Variants in PLCG2 observed in about 807,000 individuals in gnomAD.
The protein encoded by PLCG2 is phospholipase C gamma 2, also known as 1-phosphatidylinositol 4,5-bisphosphate phosphodiesterase gamma-2.
PLCG2 carries 69 observed loss-of-function variants against 175.6 expected under a neutral mutation model. That is an observed-to-expected ratio of 0.39 (90% CI 0.32 to 0.48). The LOEUF (loss-of-function observed/expected upper bound fraction) is 0.48, where lower values mean the gene tolerates loss of function less well. Among genes scored for constraint, PLCG2 ranks in the 20% least tolerant of loss-of-function variants. The probability of loss-of-function intolerance (pLI) is 0.91; values close to 1 mark genes in which losing one functional copy is unlikely to be tolerated. For missense variants in PLCG2, 1,798 were observed against 1,650.9 expected, an observed-to-expected ratio of 1.09 and a Z score of -1.54; for synonymous variants, 827 against 624.0, an observed-to-expected ratio of 1.33 and a Z score of -4.85.
rs372056789 is a variant in PLCG2 at position 81,907,637 on chromosome 16, G to T, written c.1468-48G>T. On this transcript the variant is annotated intron_variant, in intron 15 of 32. Transcript: ENST00000564138. ...TGCAGGGCTCCTGGGCTCCACAGTT[G>T]ATGAGGTAGAGGACTTGGGGGGCAC... The T allele has an allele frequency of 7.6e-5, 105 of 1,374,820 alleles. No individual in the cohort carries two copies. In the Middle Eastern group the frequency reaches 8.9e-4, roughly 12 times the overall value. 85.2% of individuals were successfully genotyped at this position (1,374,820 alleles called of 1,614,324 possible). A position where few individuals can be genotyped will look rare whatever the true frequency, so the allele number is the denominator to read the frequency against.
Position 81,910,545 on chromosome 16 carries a change from C to T in PLCG2, c.1759C>T (p.Arg587Trp), listed in dbSNP as rs1049453423. The T allele has an allele frequency of 3.1e-6, 5 of 1,614,084 alleles. No individual in the cohort carries two copies. The highest frequency in any genetic ancestry group is 4.2e-6 in the Non-Finnish European group (5 of 1,179,970). ...FWRSGRVQHC[R>W]IRSTMEGGTL... ...GCGGTCAGGCCGGGTCCAGCACTGC[C>T]GGATCCGCTCCACCATGGAGGGCGG... is the stretch of plus-strand genomic sequence containing the variant. Residue 587 changes from arginine (R) to tryptophan (W), a missense_variant, in exon 18 of 33, where the codon CGG (arginine) becomes TGG (tryptophan). Physicochemically the swap from Arg to Trp is moderately radical, Grantham distance 101. Coordinates refer to ENST00000564138, the MANE Select transcript of PLCG2 (RefSeq NM_002661.5).
rs762957732 is a variant in PLCG2, at chr16:81,908,400, T to A, written c.1558-16T>A. 30 of 1,610,746 alleles carry A rather than the reference T, an allele frequency of 1.9e-5. No individual in the cohort carries two copies. Among genetic ancestry groups the A allele is most frequent in the Non-Finnish European group, 2.5e-5 (29 of 1,178,016 alleles). ...GTCCAAGGCTTTCAGAAACCCCTCC[T>A]CTCTTTGCGGCCCAGGATATACCCC... On this transcript the variant is annotated splice_polypyrimidine_tract_variant and intron_variant, in intron 16 of 32. Coordinates refer to ENST00000564138, the MANE Select transcript of PLCG2 (RefSeq NM_002661.5).
intron 30 of PLCG2, among the ~76,000 whole-genome samples, chr16:81,941,561 TG>T (rs1420246388): frequency 2.1e-5 from 3 of 142,432 alleles, no homozygotes; most frequent in African/African-American, 8.6e-5. Flanking sequence ...TTAAAGTTTC[TG>T]ATTTTTTTTT....
chr16:81,799,394 T>C (rs1476924318), intron 2 of PLCG2, among the ~76,000 whole-genome samples: 1 of 152,208 alleles, frequency 6.6e-6, no homozygotes, highest in Admixed American at 6.5e-5. Flanking sequence ...TGTGACCATG[T>C]TAGTATTATT....
rs188674439 is a variant in PLCG2, at chr16:81,830,820, G to A, written c.194-23624G>A. Among the ~76,000 whole-genome samples, 3 of 152,046 alleles carry A rather than the reference G, an allele frequency of 2.0e-5. No individual in the cohort carries two copies. The East Asian group carries it at 5.8e-4, about 29-fold the overall frequency. ...GTGGAGGGGGATGGGAAGGGTGAGG[G>A]GGGCATCGGGCTTCTGGATGACTGA... On this transcript the variant is annotated intron_variant, in intron 2 of 32. Coordinates refer to ENST00000564138, the MANE Select transcript of PLCG2 (RefSeq NM_002661.5).
At chr16:81,887,048 C>G (rs1248577989) in intron 9 of PLCG2, among the ~76,000 whole-genome samples, 2 of 151,698 alleles carry the variant, frequency 1.3e-5, no homozygotes, top group African/African-American at 2.4e-5. Flanking sequence ...TTGATAAATG[C>G]AAAAACTTTG....
chr16:81,958,325 C>T lies in PLCG2; in HGVS notation c.*327C>T. On this transcript the variant is annotated 3_prime_UTR_variant, in exon 33 of 33. Coordinates refer to ENST00000564138, the MANE Select transcript of PLCG2 (RefSeq NM_002661.5). Reference sequence around the variant, plus strand: ...TAAGCCTTCTGTTGCACGACCTGTGCAGTGAACAGGATTTCTTTTCTGGCC... The same window carrying T: ...TAAGCCTTCTGTTGCACGACCTGTGTAGTGAACAGGATTTCTTTTCTGGCC... 6.4e-6 allele frequency: 2 copies of T among 311,338 alleles called. No homozygotes were observed. Among genetic ancestry groups the T allele is most frequent in the South Asian group, 1.7e-4 (2 of 11,878 alleles). The allele number at this position is 311,338 out of a possible 1,614,324, so 19.3% of individuals were successfully genotyped here.
At chr16:81,848,529 G>A (rs1422012271) in intron 2 of PLCG2, among the ~76,000 whole-genome samples, 1 of 152,096 alleles carries the variant, frequency 6.6e-6, no homozygotes, top group African/African-American at 2.4e-5. Context: ...CCTTGTCTGG[G>A]TAACCTGTGC....
At chr16:81,834,975 C>G (rs561323669) in intron 2 of PLCG2, among the ~76,000 whole-genome samples, 3 of 152,126 alleles carry the variant, frequency 2.0e-5, no homozygotes, top group African/African-American at 7.2e-5. Context: ...AGAACAGACC[C>G]TGTGGGCAGG....
chr16:81,950,663 T>C (rs945731846), intron 31 of PLCG2, among the ~76,000 whole-genome samples: 4 of 152,228 alleles, frequency 2.6e-5, no homozygotes, highest in Non-Finnish European at 5.9e-5. Flanking sequence ...TCCTAAGTCA[T>C]TGGCTGTAAC....
chr16:81,949,421 A>G (rs973012156), intron 31 of PLCG2, among the ~76,000 whole-genome samples: 2 of 152,234 alleles, frequency 1.3e-5, no homozygotes, highest in African/African-American at 4.8e-5. Context: ...AATAAGTCTA[A>G]TATCAGACTT....
At position 81,912,520 on chromosome 16, in the gene PLCG2, A is replaced by G. The variant is rs191431107; in HGVS notation, c.1935-77A>G. On this transcript the variant is annotated intron_variant, in intron 18 of 32. Transcript: ENST00000564138. ...GGTTCCAGGTGTCACTGGTGCCATTATCTTGTCCTCTGCGGGTGGCCCACT... is the reference window on the plus strand; with the variant it reads ...GGTTCCAGGTGTCACTGGTGCCATTGTCTTGTCCTCTGCGGGTGGCCCACT... 2.5e-4 allele frequency: 383 copies of G among 1,554,264 alleles called. No homozygotes were observed. In the African/African-American group the frequency reaches 4.6e-3, roughly 19 times the overall value.
chr16:81,907,703 T>A lies in PLCG2; in HGVS notation c.1486T>A (p.Cys496Ser). 3.1e-6 allele frequency: 5 copies of A among 1,613,534 alleles called. No individual in the cohort carries two copies. Among genetic ancestry groups the A allele is most frequent in the Non-Finnish European group, 4.2e-6 (5 of 1,179,456 alleles). The change falls in exon 16 of 33, where the codon TGC (cysteine) becomes AGC (serine). Residue 496 changes from cysteine (C) to serine (S), a missense_variant. Cys to Ser is a moderately radical substitution (Grantham distance 112). Coordinates refer to ENST00000564138, the MANE Select transcript of PLCG2 (RefSeq NM_002661.5). ...SIDQKWTRHY[C>S]AIADAKLSFS... The stretch of plus-strand genomic sequence containing the variant: ...TTTCTAGAAATGGACTCGGCACTAC[T>A]GCGCCATTGCCGATGCCAAGCTGTC...
chr16:81,912,693 C>A lies in PLCG2; in HGVS notation c.2031C>A (p.Ser677Arg). The part of the protein sequence containing the change: ...GAFLIRKREG[S>R]DSYAITFRAR... ...TCCTGATCCGGAAGCGAGAGGGGAG[C>A]GACTCCTATGCCATCACCTTCAGGT... Residue 677 changes from serine (S) to arginine (R), a missense_variant, in exon 19 of 33, where the codon AGC becomes AGA. Physicochemically the swap from Ser to Arg is moderately radical, Grantham distance 110 (BLOSUM62 -1). Coordinates refer to ENST00000564138, the MANE Select transcript of PLCG2 (RefSeq NM_002661.5). The A allele has an allele frequency of 6.2e-7, 1 of 1,609,702 alleles. No individual in the cohort carries two copies. Among genetic ancestry groups the A allele is most frequent in the Non-Finnish European group, 8.5e-7 (1 of 1,177,858 alleles).
chr16:81,790,861 G>C (rs1484855157), intron 2 of PLCG2, among the ~76,000 whole-genome samples: 1 of 152,134 alleles, frequency 6.6e-6, no homozygotes, highest in Non-Finnish European at 1.5e-5. Context: ...CTGGCATCTA[G>C]TGTGTAGAGG....
chr16:81,793,535 C>T (rs1293599487), intron 2 of PLCG2, among the ~76,000 whole-genome samples: 1 of 152,152 alleles, frequency 6.6e-6, no homozygotes, highest in Non-Finnish European at 1.5e-5. Context: ...GCTTTTTATC[C>T]TGACATTTTC....
chr16:81,871,542 T>A (rs956092982), intron 7 of PLCG2, among the ~76,000 whole-genome samples: 1 of 152,146 alleles, frequency 6.6e-6, no homozygotes, highest in South Asian at 2.1e-4. Context: ...TTTGCCGCAT[T>A]GGGTGGGCAG....
intron 1 of PLCG2, among the ~76,000 whole-genome samples, chr16:81,780,589 C>G (rs1283436115): frequency 6.6e-6 from 1 of 152,188 alleles, no homozygotes. Flanking sequence ...ATGTTTAAGT[C>G]ACCTAATGAT....
chr16:81,902,742 T>C (rs1434850843), intron 14 of PLCG2, among the ~76,000 whole-genome samples: 1 of 152,146 alleles, frequency 6.6e-6, no homozygotes, highest in East Asian at 1.9e-4. Context: ...CATAAAGACA[T>C]ACCCAAGACT....
Sources: gnomAD v4.1 joint callset for allele counts (sites outside exome capture counted in the v4.1 genomes callset) on GRCh38, gnomAD v4.1.1 for gene constraint, MANE v1.5 for transcripts, NCBI Gene and HGNC (gene_info 2026-07-23, HGNC 2026-07-21) for gene names.